ARMH4: variants seen among roughly 807,000 people sequenced by gnomAD.
The protein encoded by ARMH4 is armadillo-like helical domain-containing protein 4.
Under a neutral mutation model 61.9 loss-of-function variants are expected in ARMH4, and 49 were observed. The ratio of observed to expected loss-of-function variants is 0.79; its 90% CI spans 0.63 to 1.00. The LOEUF (loss-of-function observed/expected upper bound fraction) is 1.00, where lower values mean the gene tolerates loss of function less well. Ranked by LOEUF, ARMH4 falls within the 50% of genes least tolerant of loss-of-function variation. ARMH4 has a pLI of 0.00. For synonymous variants in ARMH4, 368 were observed against 341.5 expected (o/e 1.08, Z -0.85); for missense variants, 934 against 930.0 (o/e 1.00, Z -0.06).
chr14:58,014,810 G>A (rs973816118), intron 5 of ARMH4, among the ~76,000 whole-genome samples: 1 of 152,168 alleles, frequency 6.6e-6, no homozygotes, highest in African/African-American at 2.4e-5. Context: ...ACTAAAGAGT[G>A]AAGAACAGAG....
At chr14:58,113,591 C>T (rs1886422172) in intron 4 of ARMH4, among the ~76,000 whole-genome samples, 1 of 151,906 alleles carries the variant, frequency 6.6e-6, no homozygotes, top group Non-Finnish European at 1.5e-5. Context: ...CTGTTATCTC[C>T]GTATCTCTTC....
intron 5 of ARMH4, among the ~76,000 whole-genome samples, chr14:58,052,584 C>T (rs1040111638): frequency 7.2e-5 from 11 of 152,146 alleles, no homozygotes; most frequent in African/African-American, 2.7e-4. Context: ...CACGTTTCCC[C>T]TCACCTCTCT....
At chr14:58,065,070 C>T (rs568901764) in intron 5 of ARMH4, among the ~76,000 whole-genome samples, 1 of 152,160 alleles carries the variant, frequency 6.6e-6, no homozygotes, top group South Asian at 2.1e-4. Flanking sequence ...GGTGAAACCC[C>T]GTCTCTACTA....
At chr14:58,105,161 A>G (rs1358166287) in intron 4 of ARMH4, among the ~76,000 whole-genome samples, 3 of 152,240 alleles carry the variant, frequency 2.0e-5, no homozygotes, top group African/African-American at 7.2e-5. Context: ...GCCAAAAATA[A>G]CAGGATCCCT....
intron 5 of ARMH4, among the ~76,000 whole-genome samples, chr14:58,040,904 A>G (rs749758820): frequency 1.3e-5 from 2 of 152,190 alleles, no homozygotes; most frequent in Non-Finnish European, 2.9e-5. Flanking sequence ...ATTTCAAATC[A>G]ATTTTTGGAA....
chr14:58,114,726 A>G (rs561086411), intron 4 of ARMH4, among the ~76,000 whole-genome samples: 1 of 152,170 alleles, frequency 6.6e-6, no homozygotes, highest in South Asian at 2.1e-4. Flanking sequence ...TTAAAATTAG[A>G]TCAAATCTGA....
intron 5 of ARMH4, among the ~76,000 whole-genome samples, chr14:58,043,189 G>C (rs887129835): frequency 1.3e-5 from 2 of 152,036 alleles, no homozygotes; most frequent in Non-Finnish European, 1.5e-5. Flanking sequence ...GAAGAACATC[G>C]ATGCAAAAAT....
chr14:58,112,436 T>A (rs2141289268), intron 4 of ARMH4, among the ~76,000 whole-genome samples: 1 of 152,254 alleles, frequency 6.6e-6, no homozygotes, highest in African/African-American at 2.4e-5. Context: ...ACTTAATCAC[T>A]ATCTTATCAC....
chr14:58,118,415 C>T (rs1019369216), intron 4 of ARMH4, among the ~76,000 whole-genome samples: 1 of 144,514 alleles, frequency 6.9e-6, no homozygotes, highest in Non-Finnish European at 1.5e-5. Context: ...ACAGGACAGA[C>T]AGTACGTATG....
chr14:58,126,412 C>T (rs1886896525), intron 4 of ARMH4, among the ~76,000 whole-genome samples: 1 of 152,172 alleles, frequency 6.6e-6, no homozygotes, highest in African/African-American at 2.4e-5. Context: ...GAGATAACAC[C>T]ACTATCTCTT....
chr14:58,083,711 C>A (rs1485138179), intron 5 of ARMH4, among the ~76,000 whole-genome samples: 3 of 152,164 alleles, frequency 2.0e-5, no homozygotes, highest in African/African-American at 7.2e-5. Flanking sequence ...TTACAGATAA[C>A]AAATAGCAAA....
chr14:58,118,911 C>A (rs913811138), intron 4 of ARMH4, among the ~76,000 whole-genome samples: 1 of 152,134 alleles, frequency 6.6e-6, no homozygotes, highest in Admixed American at 6.6e-5. Flanking sequence ...GAAGCAGACA[C>A]CTTAAAAAAA....
At chr14:58,120,331 A>G (rs1266515230) in intron 4 of ARMH4, among the ~76,000 whole-genome samples, 1 of 151,984 alleles carries the variant, frequency 6.6e-6, no homozygotes, top group Non-Finnish European at 1.5e-5. Context: ...ACACAAATCT[A>G]TAACACAAAC....
At position 58,001,211 on chromosome 14, in the gene ARMH4, T is replaced by C. The variant is rs1881972317; in HGVS notation, c.*3525A>G. On this transcript the variant is annotated 3_prime_UTR_variant, in exon 8 of 8. Transcript: ENST00000267485. ...TTCCTTATTTCCTATGGCTGAATAATATTCTACTGTATGTATATACCACAT... is the reference window on the plus strand; with the variant it reads ...TTCCTTATTTCCTATGGCTGAATAACATTCTACTGTATGTATATACCACAT... The C allele has an allele frequency of 6.6e-6, 1 of 152,218 alleles. No individual in the cohort carries two copies. The highest frequency in any genetic ancestry group is 2.1e-4 in the South Asian group (1 of 4,828). The allele number at this position is 152,218 out of a possible 1,614,324, so 9.4% of individuals were successfully genotyped here.
At chr14:58,073,807 G>C (rs977305586) in intron 5 of ARMH4, among the ~76,000 whole-genome samples, 1 of 152,196 alleles carries the variant, frequency 6.6e-6, no homozygotes, top group African/African-American at 2.4e-5. Flanking sequence ...TGCTCTTGGA[G>C]CAAGTTATGA....
chr14:58,045,404 T>C (rs529121307), intron 5 of ARMH4, among the ~76,000 whole-genome samples: 2 of 151,992 alleles, frequency 1.3e-5, no homozygotes, highest in Non-Finnish European at 2.9e-5. Context: ...TAGGTGGGAA[T>C]TGAACAATGA....
At position 58,006,911 on chromosome 14, in the gene ARMH4, AAAATAAAT is replaced by A. The variant is rs59871401; in HGVS notation, c.2122-1737_2122-1730del. On this transcript the variant is annotated intron_variant, in intron 6 of 7. Coordinates refer to ENST00000267485, the MANE Select transcript of ARMH4 (RefSeq NM_001001872.4). ...GTACCCTAGAACTTAACGTATAATA[AAAATAAAT>A]AAATAAATAAATTAATTAATTAATA... Among the ~76,000 whole-genome samples the A allele has an allele frequency of 1.9e-4, 29 of 150,530 alleles. No homozygotes were observed. In the East Asian group the frequency reaches 5.6e-3, roughly 29 times the overall value.
intron 4 of ARMH4, among the ~76,000 whole-genome samples, chr14:58,130,708 T>C (rs1887064890): frequency 6.6e-6 from 1 of 152,208 alleles, no homozygotes; most frequent in Non-Finnish European, 1.5e-5. Flanking sequence ...TTCTTGGTCT[T>C]AGTAAATAAA....
intron 5 of ARMH4, among the ~76,000 whole-genome samples, chr14:58,057,888 A>G (rs178485): frequency 0.27 from 40,320 of 152,028 alleles, 7,114 homozygotes; most frequent in East Asian, 0.64. Flanking sequence ...ACCTTGCTAG[A>G]GAGATAGGTT....
Sources: allele counts gnomAD v4.1 joint callset (sites outside exome capture counted in the v4.1 genomes callset), GRCh38; gene constraint gnomAD v4.1.1; transcripts MANE v1.5; gene names NCBI Gene and HGNC (gene_info 2026-07-23, HGNC 2026-07-21).